The following ZNF365 variants were observed in gnomAD, a reference collection of about 807,000 sequenced individuals.
ZNF365 encodes the protein protein ZNF365.
Under a neutral mutation model 35.0 loss-of-function variants are expected in ZNF365, and 22 were observed. The observed-to-expected ratio is 0.63, with a 90% CI of 0.45 to 0.90. The LOEUF (loss-of-function observed/expected upper bound fraction) is 0.90, where lower values mean the gene tolerates loss of function less well. Ranked by LOEUF, ZNF365 falls within the 40% of genes least tolerant of loss-of-function variation. ZNF365 has a pLI of 0.00. For missense variants in ZNF365, 448 were observed against 500.3 expected (o/e 0.90, Z 1.00); for synonymous variants, 188 against 196.2 (o/e 0.96, Z 0.35).
At chr10:62,374,970 G>T (rs1017365955) in intron 1 of ZNF365, among the ~76,000 whole-genome samples, 2 of 152,102 alleles carry the variant, frequency 1.3e-5, no homozygotes, top group South Asian at 2.1e-4. Context: ...ACAGGAAGAG[G>T]TTCCCCTCTC....
At chr10:62,402,493 C>A (rs140892836), downstream of ZNF365, 1 of 981,754 alleles carries the variant, frequency 1.0e-6, no homozygotes, top group Non-Finnish European at 1.2e-6. Flanking sequence ...TTTTGGGGAG[C>A]CAAGTATGTT....
chr10:62,469,994 C>T (rs1841007284), intron 4 of ZNF365, among the ~76,000 whole-genome samples: 1 of 152,110 alleles, frequency 6.6e-6, no homozygotes, highest in African/African-American at 2.4e-5. Flanking sequence ...TATATTGTAT[C>T]ATAATATTGA....
At chr10:62,423,884 A>T (rs141885371) in intron 3 of ZNF365, among the ~76,000 whole-genome samples, 1,670 of 152,308 alleles carry the variant, frequency 0.011, 28 homozygotes, top group African/African-American at 0.039. Context: ...AGATTATTAA[A>T]ATCATTCTTA....
At chr10:62,463,360 C>G (rs1052753135) in intron 4 of ZNF365, among the ~76,000 whole-genome samples, 1 of 152,194 alleles carries the variant, frequency 6.6e-6, no homozygotes, top group Admixed American at 6.5e-5. Context: ...TTTGGGCTGG[C>G]AATCACGTTT....
intron 4 of ZNF365, among the ~76,000 whole-genome samples, chr10:62,476,035 A>G (rs1383522860): frequency 6.6e-6 from 1 of 151,682 alleles, no homozygotes; most frequent in East Asian, 1.9e-4. Context: ...TTACTGTCTG[A>G]TAAGTTATTA....
At chr10:62,418,322 A>C (rs1840112474) in intron 3 of ZNF365, among the ~76,000 whole-genome samples, 1 of 152,046 alleles carries the variant, frequency 6.6e-6, no homozygotes, top group Non-Finnish European at 1.5e-5. Flanking sequence ...GCAGGGGCTT[A>C]TTTACCCTTC....
intron 3 of ZNF365, among the ~76,000 whole-genome samples, chr10:62,396,379 G>A (rs1180322161): frequency 2.0e-5 from 3 of 152,192 alleles, no homozygotes; most frequent in Admixed American, 6.5e-5. Context: ...ACTTAACTCT[G>A]CTGCCTTAGC....
downstream of ZNF365, among the ~76,000 whole-genome samples, chr10:62,406,548 G>A (rs1239620307): frequency 1.3e-5 from 2 of 152,146 alleles, no homozygotes; most frequent in East Asian, 1.9e-4. Context: ...TAAGGTATTT[G>A]TGGAGTATGG....
chr10:62,470,330 C>T (rs1841013976), intron 4 of ZNF365, among the ~76,000 whole-genome samples: 1 of 152,180 alleles, frequency 6.6e-6, no homozygotes, highest in African/African-American at 2.4e-5. Context: ...GCGAGGAATC[C>T]TTAACTTCTA....
chr10:62,451,451 A>T (rs2132473414), intron 3 of ZNF365, among the ~76,000 whole-genome samples: 1 of 152,084 alleles, frequency 6.6e-6, no homozygotes, highest in East Asian at 1.9e-4. Context: ...TGTTCTGTGG[A>T]GGGTGAGGGT....
chr10:62,456,582 T>C lies in ZNF365; in HGVS notation c.925-3159T>C, dbSNP rs1169237914. On this transcript the variant is annotated intron_variant, in intron 3 of 4. Coordinates refer to the ZNF365 transcript ENST00000395255. ...AATACAAAAGGAATTTACTGGCTCA[T>C]ATAAACAAGATCAGAGGCAGAACTG... Among the ~76,000 whole-genome samples, 3 of 152,340 alleles carry C rather than the reference T, an allele frequency of 2.0e-5. No homozygotes were observed. In the East Asian group the frequency reaches 5.8e-4, roughly 29 times the overall value.
intron 3 of ZNF365, among the ~76,000 whole-genome samples, chr10:62,431,902 T>C (rs1294980294): frequency 2.0e-5 from 3 of 151,828 alleles, no homozygotes; most frequent in Non-Finnish European, 4.4e-5. Context: ...GAAACTCCAA[T>C]AGTGATATTG....
rs777379393 is a variant in ZNF365 at position 62,376,903 on chromosome 10, C to T, written c.710C>T (p.Thr237Met). The T allele has an allele frequency of 1.1e-5, 17 of 1,613,362 alleles. No individual in the cohort carries two copies. In the East Asian group the frequency reaches 1.1e-4, roughly 11 times the overall value. The stretch of plus-strand genomic sequence containing the variant: ...ATAGCTGTACTGAGGCAACGCCTGA[C>T]GGAATCTGAGGAGGAGCTTCTTAGG... ...EMIAVLRQRL[T>M]ESEEELLRKE... Residue 237 changes from threonine to methionine, a missense_variant, in exon 2 of 5, where the codon ACG (threonine) becomes ATG (methionine). By Grantham distance (81) the Thr-to-Met change is moderately conservative. Transcript: ENST00000395254.
At chr10:62,478,367 G>T (rs1353746891) in intron 4 of ZNF365, among the ~76,000 whole-genome samples, 3 of 152,166 alleles carry the variant, frequency 2.0e-5, no homozygotes, top group Non-Finnish European at 4.4e-5. Context: ...TTAGGACATG[G>T]TTCTATTCCC....
chr10:62,447,784 A>C (rs759651016), intron 3 of ZNF365, among the ~76,000 whole-genome samples: 39 of 152,158 alleles, frequency 2.6e-4, no homozygotes, highest in Non-Finnish European at 5.0e-4. Context: ...AACAAGAGCT[A>C]TGTGACAATG....
rs1266264481 is a variant in ZNF365, at chr10:62,437,809, T to G, written c.925-21932T>G. ...AATTATATTCTCTACCACTAGGGGG[T>G]GACAGCTGATAATCTATCCACATAC... is the stretch of plus-strand genomic sequence containing the variant. On this transcript the variant is annotated intron_variant, in intron 3 of 4. Coordinates refer to the ZNF365 transcript ENST00000395255. 3.3e-5 allele frequency among the ~76,000 whole-genome samples: 5 copies of G among 152,246 alleles called. No homozygotes were observed. The South Asian group carries it at 1.0e-3, about 32-fold the overall frequency.
intron 3 of ZNF365, among the ~76,000 whole-genome samples, chr10:62,395,773 G>A (rs919789430): frequency 1.3e-5 from 2 of 152,104 alleles, no homozygotes; most frequent in African/African-American, 4.8e-5. Flanking sequence ...TAGGGTTGCT[G>A]AACTGGTAAG....
chr10:62,471,658 A>G (rs1183841481), intron 4 of ZNF365, among the ~76,000 whole-genome samples: 1 of 152,126 alleles, frequency 6.6e-6, no homozygotes, highest in Non-Finnish European at 1.5e-5. Context: ...TACACCCACC[A>G]TTGCTTATAT....
chr10:62,450,571 G>T (rs1018394146), intron 3 of ZNF365, among the ~76,000 whole-genome samples: 4 of 152,156 alleles, frequency 2.6e-5, no homozygotes, highest in Non-Finnish European at 4.4e-5. Context: ...AGAAACTCCA[G>T]AGGCATGCAG....
Sources: gnomAD v4.1 joint callset for allele counts (sites outside exome capture counted in the v4.1 genomes callset) on GRCh38, gnomAD v4.1.1 for gene constraint, MANE v1.5 for transcripts, NCBI Gene and HGNC (gene_info 2026-07-23, HGNC 2026-07-21) for gene names.